Variants in ZNF678 observed in about 807,000 individuals in gnomAD.
The protein encoded by ZNF678 is hypothetical protein MGC42493.
ZNF678 carries 5 observed loss-of-function variants against 3.0 expected under a neutral mutation model. The observed-to-expected ratio is 1.69, with a 90% CI of 0.88 to 3.56. The LOEUF is 3.56. ZNF678 is among the 30% of genes most tolerant of loss of function. ZNF678 has a pLI of 0.00. For synonymous variants in ZNF678, 218 were observed against 199.6 expected (o/e 1.09, Z -0.78); for missense variants, 593 against 605.0 (o/e 0.98, Z 0.21).
downstream of ZNF678, among the ~76,000 whole-genome samples, chr1:227,678,699 A>G (rs1354425035): frequency 6.6e-6 from 1 of 152,206 alleles, no homozygotes; most frequent in Non-Finnish European, 1.5e-5. Flanking sequence ...AAGATACCCA[A>G]AAATACACAT....
chr1:227,644,251 G>A (rs912597959), intron 1 of ZNF678, among the ~76,000 whole-genome samples: 1 of 152,138 alleles, frequency 6.6e-6, no homozygotes, highest in African/African-American at 2.4e-5. Flanking sequence ...TGGCAATTAT[G>A]AGACACTTCG....
At chr1:227,666,289 G>C (rs1659502836), downstream of ZNF678, among the ~76,000 whole-genome samples, 1 of 152,108 alleles carries the variant, frequency 6.6e-6, no homozygotes, top group Admixed American at 6.5e-5. Context: ...GCCCAAACAG[G>C]TAAAAAGTCT....
chr1:227,660,581 A>G lies in ZNF678; in HGVS notation c.*4753A>G, dbSNP rs1659378405. ...ACTGACCCTTATATCTTGATTTTGT[A>G]TCCTGCAACTTTAGTGAATTTATTC... On this transcript the variant is annotated 3_prime_UTR_variant, in exon 4 of 4. Transcript: ENST00000343776. 6.6e-6 allele frequency: 1 copy of G among 152,054 alleles called. No homozygotes were observed. The highest frequency in any genetic ancestry group is 6.6e-5 in the Admixed American group (1 of 15,256). 9.4% of individuals were successfully genotyped at this position (152,054 alleles called of 1,614,324 possible).
In ZNF678 at chr1:227,614,686, A is replaced by G. The variant is rs1023457910; in HGVS notation, c.-163-31858A>G. Among the ~76,000 whole-genome samples the G allele has an allele frequency of 2.6e-5, 4 of 152,180 alleles. No homozygotes were observed. In the East Asian group the frequency reaches 7.7e-4, roughly 29 times the overall value. On this transcript the variant is annotated intron_variant, in intron 1 of 3. Transcript: ENST00000343776. ...CTCCTCTAGCCCTTGACCCCAGCTC[A>G]GATCTTCCCAGTCTGCAAGGTGCTG...
chr1:227,630,312 A>G (rs1658518694), intron 1 of ZNF678, among the ~76,000 whole-genome samples: 1 of 152,138 alleles, frequency 6.6e-6, no homozygotes, highest in South Asian at 2.1e-4. Flanking sequence ...TGTCTGCAGC[A>G]CCAATCTCCA....
At chr1:227,644,895 T>A (rs965327080) in intron 1 of ZNF678, among the ~76,000 whole-genome samples, 2 of 152,142 alleles carry the variant, frequency 1.3e-5, no homozygotes, top group Non-Finnish European at 2.9e-5. Context: ...TAAGGTAAGG[T>A]CAGGGTCAAG....
intron 3 of ZNF678, among the ~76,000 whole-genome samples, chr1:227,652,054 T>C (rs1659104721): frequency 6.6e-6 from 1 of 152,214 alleles, no homozygotes; most frequent in African/African-American, 2.4e-5. Context: ...AATAAACATA[T>C]ATATTTGGGA....
chr1:227,608,560 C>T (rs1657937336), intron 1 of ZNF678, among the ~76,000 whole-genome samples: 1 of 152,034 alleles, frequency 6.6e-6, no homozygotes, highest in Non-Finnish European at 1.5e-5. Flanking sequence ...ATATGGTACA[C>T]TGTTGGGTTC....
rs1270397005 is a variant in ZNF678 at position 227,656,432 on chromosome 1, A to AT, written c.*608dup. The AT allele has an allele frequency of 6.6e-6, 1 of 151,764 alleles. No homozygotes were observed. The highest frequency in any genetic ancestry group is 1.5e-5 in the Non-Finnish European group (1 of 67,778). The allele number at this position is 151,764 out of a possible 1,614,324, so 9.4% of individuals were successfully genotyped here. A position where few individuals can be genotyped will look rare whatever the true frequency, so the allele number is the denominator to read the frequency against. On this transcript the variant is annotated 3_prime_UTR_variant, in exon 4 of 4. Coordinates refer to ENST00000343776, the MANE Select transcript of ZNF678 (RefSeq NM_001367909.1). ...AAAGTTTTTATATTTTTGATTATAT[A>AT]TTTTAATATTGATATAATTCATATC...
At chr1:227,629,171 CT>C (rs998121485) in intron 1 of ZNF678, among the ~76,000 whole-genome samples, 6 of 152,114 alleles carry the variant, frequency 3.9e-5, no homozygotes, top group African/African-American at 1.4e-4. Flanking sequence ...TTTTGGAGTC[CT>C]TCTTGTGCCT....
chr1:227,610,315 C>T (rs1430403507), intron 1 of ZNF678, among the ~76,000 whole-genome samples: 1 of 152,174 alleles, frequency 6.6e-6, no homozygotes, highest in East Asian at 1.9e-4. Context: ...CACATACTTT[C>T]GTGGTAGCCA....
At chr1:227,615,585 G>A (rs1658123654) in intron 1 of ZNF678, among the ~76,000 whole-genome samples, 1 of 152,160 alleles carries the variant, frequency 6.6e-6, no homozygotes, top group African/African-American at 2.4e-5. Context: ...CTACTACCAA[G>A]TCCATTTAAC....
At chr1:227,585,602 G>A (rs1435352792) in intron 1 of ZNF678, among the ~76,000 whole-genome samples, 1 of 152,024 alleles carries the variant, frequency 6.6e-6, no homozygotes, top group Non-Finnish European at 1.5e-5. Context: ...TTGAAACCCC[G>A]TCTCTACTAA....
Position 227,654,761 on chromosome 1 carries a change from C to T in ZNF678, c.511C>T (p.His171Tyr). Reference protein sequence around the residue: ...VFNWWSQLTNHKKIHTGEKPY... With the variant: ...VFNWWSQLTNYKKIHTGEKPY... ...TAATTGGTGGTCACAACTAACTAAC[C>T]ATAAGAAAATTCATACTGGAGAGAA... The change falls in exon 4 of 4, where the codon CAT (histidine) becomes TAT (tyrosine). Residue 171 changes from histidine to tyrosine, a missense_variant. Physicochemically the swap from His to Tyr is moderately conservative, Grantham distance 83. Coordinates refer to ENST00000343776, the MANE Select transcript of ZNF678 (RefSeq NM_001367909.1). 2 of 1,612,978 alleles carry T rather than the reference C, an allele frequency of 1.2e-6. No individual in the cohort carries two copies. The highest frequency in any genetic ancestry group is 1.7e-6 in the Non-Finnish European group (2 of 1,179,328).
In ZNF678 at chr1:227,655,252, A is replaced by T. The variant is rs759637923; in HGVS notation, c.1002A>T (p.Ser334=). 138 of 1,612,466 alleles carry T rather than the reference A, an allele frequency of 8.6e-5. 3 individuals carry two copies. The East Asian group carries it at 3.1e-3, about 36-fold the overall frequency. ...GTGGCAAAACTTTTAATCGGTGTTC[A>T]CACCTAAGTAGCCATAAGAGAATTC... ...EECGKTFNRC[S]HLSSHKRIHT... is the part of the protein sequence containing the mutation. The change falls in exon 4 of 4, where the codon TCA becomes TCT. Residue 334 remains serine (S), a synonymous_variant. Coordinates refer to ENST00000343776, the MANE Select transcript of ZNF678 (RefSeq NM_001367909.1).
At chr1:227,648,304 A>G (rs779635455) in intron 2 of ZNF678, among the ~76,000 whole-genome samples, 8 of 152,204 alleles carry the variant, frequency 5.3e-5, no homozygotes, top group Non-Finnish European at 1.0e-4. Flanking sequence ...ACTGGGGCAT[A>G]CACACATACG....
chr1:227,675,222 T>C (rs1370321304), intron 5 of ZNF678, among the ~76,000 whole-genome samples: 4 of 152,066 alleles, frequency 2.6e-5, no homozygotes, highest in Non-Finnish European at 5.9e-5. Flanking sequence ...ACCAGAGAAC[T>C]TTCTCACTCC....
In ZNF678 at chr1:227,657,153, A is replaced by C. The variant is rs1049336251; in HGVS notation, c.*1325A>C. 2.6e-5 allele frequency: 4 copies of C among 151,936 alleles called. No individual in the cohort carries two copies. Among genetic ancestry groups the C allele is most frequent in the Non-Finnish European group, 5.9e-5 (4 of 67,878 alleles). 9.4% of individuals were successfully genotyped at this position (151,936 alleles called of 1,614,324 possible). Reference sequence around the variant, plus strand: ...AATGGATTGGTGTTCTTACCACTGCAGTTAGTGTGTTCTCTGTTAGTTCAT... The same window carrying C: ...AATGGATTGGTGTTCTTACCACTGCCGTTAGTGTGTTCTCTGTTAGTTCAT... On this transcript the variant is annotated 3_prime_UTR_variant, in exon 4 of 4. Transcript: ENST00000343776.
intron 1 of ZNF678, among the ~76,000 whole-genome samples, chr1:227,586,721 A>G (rs1010150071): frequency 3.3e-5 from 5 of 152,194 alleles, no homozygotes; most frequent in African/African-American, 1.2e-4. Flanking sequence ...GTGGTGTCCA[A>G]GGTGTTTCTT....
Sources: allele counts gnomAD v4.1 joint callset (sites outside exome capture counted in the v4.1 genomes callset), GRCh38; gene constraint gnomAD v4.1.1; transcripts MANE v1.5; gene names NCBI Gene and HGNC (gene_info 2026-07-23, HGNC 2026-07-21).